POLR2F: variants seen among roughly 807,000 people sequenced by gnomAD.
POLR2F encodes the protein RNA polymerase II, I and III subunit F, also known as DNA-directed RNA polymerases I, II, and III subunit RPABC2.
A neutral mutation model predicts 22.7 loss-of-function variants in POLR2F; 12 were observed. The observed-to-expected ratio is 0.53, with a 90% CI of 0.34 to 0.86. The LOEUF is 0.86. POLR2F is among the 40% of genes least tolerant of loss of function. POLR2F has a pLI of 0.02. For missense variants in POLR2F, 126 were observed against 171.5 expected (o/e 0.73, Z 1.48); for synonymous variants, 57 against 66.0 (o/e 0.86, Z 0.66).
Position 37,986,766 on chromosome 22 carries a change from C to T in POLR2F, c.120+454C>T, listed in dbSNP as rs1400121069. ...GTGTGTGTGGTTGGGGCCCCTGCTG[C>T]GAACACATCCCTGCCCACCATGCTG... On this transcript the variant is annotated intron_variant, in intron 1 of 2. Transcript: ENST00000333418. This position sits in a 1 kb window ranked among gnomAD's most constrained non-coding sequence, Gnocchi z 4.7. The T allele has an allele frequency of 4.3e-6, 2 of 468,724 alleles. No individual in the cohort carries two copies. Among genetic ancestry groups the T allele is most frequent in the East Asian group, 6.7e-5 (1 of 14,920 alleles). The allele number at this position is 468,724 out of a possible 1,614,324, so 29.0% of individuals were successfully genotyped here.
intron 1 of POLR2F, among the ~76,000 whole-genome samples, chr22:38,013,356 G>C (rs1302843129): frequency 6.6e-6 from 1 of 152,154 alleles, no homozygotes; most frequent in Non-Finnish European, 1.5e-5. Context: ...ATGTTGGCCA[G>C]GCTGATCTCG....
upstream of POLR2F, among the ~76,000 whole-genome samples, chr22:37,982,454 C>T (rs543534557): frequency 6.6e-6 from 1 of 152,282 alleles, no homozygotes; most frequent in East Asian, 1.9e-4. Context: ...GAACCCCAGA[C>T]CTGAGTCGAG....
At chr22:37,991,308 G>A (rs1023813448) in intron 1 of POLR2F, among the ~76,000 whole-genome samples, 2 of 151,834 alleles carry the variant, frequency 1.3e-5, no homozygotes, top group Non-Finnish European at 2.9e-5. Context: ...TAGTAGAGAC[G>A]GGGTTTCACC....
At position 37,997,940 on chromosome 22, in the gene POLR2F, G is replaced by C. The variant is rs566928670; in HGVS notation, c.120+11628G>C. On this transcript the variant is annotated intron_variant, in intron 1 of 2. Coordinates refer to the POLR2F transcript ENST00000333418. The surrounding 1 kb of genome is among the most constrained non-coding windows in gnomAD (Gnocchi z 4.4). ...TACCATCTCCTGGCGCGAGAGCCAG[G>C]GTTGCCCAGATTGATGGAAGAGCAG... Among the ~76,000 whole-genome samples the C allele has an allele frequency of 2.0e-5, 3 of 152,210 alleles. No individual in the cohort carries two copies. The highest frequency in any genetic ancestry group is 2.1e-4 in the South Asian group (1 of 4,826).
At chr22:38,025,657 C>T in intron 1 of POLR2F, 1 of 1,562,834 alleles carries the variant, frequency 6.4e-7, no homozygotes, top group Non-Finnish European at 8.6e-7. Flanking sequence ...TCAGCATCTC[C>T]TCCCGCTGAC....
chr22:38,037,964 C>T (rs2085132652), intron 5 of POLR2F, among the ~76,000 whole-genome samples: 1 of 151,970 alleles, frequency 6.6e-6, no homozygotes, highest in South Asian at 2.1e-4. Context: ...GCAGGTTGGC[C>T]GGAGGTAGCA....
chr22:37,967,241 C>T lies in POLR2F; in HGVS notation c.293+71C>T, dbSNP rs56101654. ...CATCTGTTGGGCTCTCTGTTGCACC[C>T]TTTGCTCCCACTTGCCTGGCTGGAG... On this transcript the variant is annotated intron_variant, in intron 4 of 4. Transcript: ENST00000442738. The T allele has an allele frequency of 6.4e-4, 1,031 of 1,600,700 alleles. 16 individuals carry two copies. In the South Asian group the frequency reaches 0.011, roughly 17 times the overall value.
At chr22:37,981,168 T>C (rs1186752136) in intron 4 of POLR2F, among the ~76,000 whole-genome samples, 1 of 152,164 alleles carries the variant, frequency 6.6e-6, no homozygotes, top group Non-Finnish European at 1.5e-5. Context: ...CTCTTTTTGG[T>C]TTTAAGACAC....
At chr22:37,957,977 TTTG>T (rs887172412) in intron 2 of POLR2F, among the ~76,000 whole-genome samples, 13 of 152,162 alleles carry the variant, frequency 8.5e-5, no homozygotes, top group East Asian at 1.9e-4. Flanking sequence ...CTTTCTGTTT[TTTG>T]TTGTTGTTGT....
chr22:37,967,814 C>CT lies in POLR2F; in HGVS notation c.*100dup. On this transcript the variant is annotated 3_prime_UTR_variant, in exon 5 of 5. Coordinates refer to ENST00000442738, the MANE Select transcript of POLR2F (RefSeq NM_021974.5). The stretch of plus-strand genomic sequence containing the variant: ...TTCAACTTTCCAACCCCCTTCCCCT[C>CT]TGCTTATCTGCAATGTCACCACCTG... 6.8e-7 allele frequency: 1 copy of CT among 1,481,466 alleles called. No individual in the cohort carries two copies. Among genetic ancestry groups the CT allele is most frequent in the Non-Finnish European group, 8.9e-7 (1 of 1,118,996 alleles). The allele number at this position is 1,481,466 out of a possible 1,614,324, so 91.8% of individuals were successfully genotyped here.
chr22:37,964,667 G>A (rs1302790408), intron 3 of POLR2F, among the ~76,000 whole-genome samples: 1 of 151,592 alleles, frequency 6.6e-6, no homozygotes, highest in Non-Finnish European at 1.5e-5. Context: ...TGCCTCCTGG[G>A]TTCAAGGAAT....
chr22:38,006,332 G>A (rs2084821055), intron 1 of POLR2F, among the ~76,000 whole-genome samples: 1 of 152,208 alleles, frequency 6.6e-6, no homozygotes, highest in African/African-American at 2.4e-5. Flanking sequence ...GCAGGCATGT[G>A]GGTGGCTATG....
At chr22:38,041,407 C>T (rs946213189), downstream of POLR2F, 7 of 269,458 alleles carry the variant, frequency 2.6e-5, no homozygotes, top group South Asian at 3.1e-4. Context: ...AGGATCCAGG[C>T]GGGGGATGGA....
chr22:37,967,777 A>G lies in POLR2F; in HGVS notation c.*62A>G, dbSNP rs1931917594. ...TTTTCATTCTCACTTTATATGTGTA[A>G]ATAATAAAATATTCAACTTTCCAAC... is the stretch of plus-strand genomic sequence containing the variant. On this transcript the variant is annotated 3_prime_UTR_variant, in exon 5 of 5. Coordinates refer to ENST00000442738, the MANE Select transcript of POLR2F (RefSeq NM_021974.5). 1.3e-6 allele frequency: 2 copies of G among 1,550,484 alleles called. No individual in the cohort carries two copies. The highest frequency in any genetic ancestry group is 1.7e-6 in the Non-Finnish European group (2 of 1,150,432).
chr22:38,009,116 G>A (rs1328371901), intron 1 of POLR2F, among the ~76,000 whole-genome samples: 1 of 152,204 alleles, frequency 6.6e-6, no homozygotes, highest in African/African-American at 2.4e-5. Flanking sequence ...TGGCCGGAGC[G>A]TTCTGAGGAC....
intron 3 of POLR2F, among the ~76,000 whole-genome samples, chr22:37,966,311 C>A (rs551676207): frequency 6.6e-6 from 1 of 151,972 alleles, no homozygotes; most frequent in Non-Finnish European, 1.5e-5. Flanking sequence ...TAGCACGGGA[C>A]TGTGCTAGGA....
At chr22:38,040,963 C>A in intron 5 of POLR2F, 1 of 1,563,656 alleles carries the variant, frequency 6.4e-7, no homozygotes, top group South Asian at 1.1e-5. Context: ...ATGATGACAA[C>A]AGTGACGTTG....
intron 1 of POLR2F, among the ~76,000 whole-genome samples, chr22:38,018,581 G>A (rs940485542): frequency 1.3e-5 from 2 of 152,168 alleles, no homozygotes; most frequent in Non-Finnish European, 2.9e-5. Context: ...CTCCATCTGG[G>A]GCTGGGCTGG....
rs992292424 is a variant in POLR2F at position 37,978,368 on chromosome 22, G to C, written c.293+11198G>C. 6.6e-6 allele frequency among the ~76,000 whole-genome samples: 1 copy of C among 152,264 alleles called. No individual in the cohort carries two copies. The highest frequency in any genetic ancestry group is 2.4e-5 in the African/African-American group (1 of 41,470). ...CTGCCCCCAAATCTTTCATGGGCTG[G>C]AGGGTGAGAGAGGGGTCAGCCCGCT... On this transcript the variant is annotated intron_variant, in intron 4 of 4. Coordinates refer to the POLR2F transcript ENST00000405557. This position sits in a 1 kb window ranked among gnomAD's most constrained non-coding sequence, Gnocchi z 5.0.
Sources: gnomAD v4.1 joint callset for allele counts (sites outside exome capture counted in the v4.1 genomes callset) on GRCh38, gnomAD v4.1.1 for gene constraint, Gnocchi (gnomAD v3.1) non-coding constraint, MANE v1.5 for transcripts, NCBI Gene and HGNC (gene_info 2026-07-23, HGNC 2026-07-21) for gene names.